KIF1B: variants seen among roughly 807,000 people sequenced by gnomAD.
KIF1B encodes the protein kinesin family member 1B.
Under a neutral mutation model 241.9 loss-of-function variants are expected in KIF1B, and 76 were observed. The observed-to-expected ratio is 0.31, with a 90% CI of 0.26 to 0.38. The LOEUF is 0.38. KIF1B is among the 10% of genes least tolerant of loss of function. The pLI, the probability that KIF1B is intolerant of heterozygous loss-of-function variation, is 1.00. For missense variants in KIF1B, 1,622 were observed against 2,271.4 expected, an observed-to-expected ratio of 0.71 and a Z score of 5.81; for synonymous variants, 750 against 796.7, an observed-to-expected ratio of 0.94 and a Z score of 0.99.
intron 22 of KIF1B, among the ~76,000 whole-genome samples, chr1:10,313,095 C>G (rs1193265514): frequency 1.3e-5 from 2 of 151,274 alleles, no homozygotes; most frequent in Non-Finnish European, 2.9e-5. Flanking sequence ...GAGACAGAGT[C>G]TTGCTCTGTC....
chr1:10,288,830 G>T lies in KIF1B; in HGVS notation c.1435-2252G>T, dbSNP rs1649843601. Among the ~76,000 whole-genome samples, 2 of 151,682 alleles carry T rather than the reference G, an allele frequency of 1.3e-5. 1 individual carries two copies. Among genetic ancestry groups the T allele is most frequent in the South Asian group, 4.1e-4 (2 of 4,820 alleles). On this transcript the variant is annotated intron_variant, in intron 15 of 48. Transcript: ENST00000676179. ...TCTTGCTTTTTTCACGTGTTCCCTT[G>T]CCTTGCCTTTGGTATGTTTTTTGTT...
At chr1:10,292,143 A>C (rs199827172) in intron 17 of KIF1B, 21 bp downstream of exon 17, 2 of 1,590,992 alleles carry the variant, frequency 1.3e-6, no homozygotes, top group Non-Finnish European at 1.7e-6. Context: ...ATGCTGTGAA[A>C]CCTAATCAGA....
At chr1:10,334,248 A>G (rs958306559) in intron 27 of KIF1B, among the ~76,000 whole-genome samples, 8 of 151,016 alleles carry the variant, frequency 5.3e-5, no homozygotes, top group Non-Finnish European at 1.2e-4. Context: ...GTCTGCTTCC[A>G]GGTGTGACTC....
chr1:10,348,530 C>CT, intron 36 of KIF1B, 119 bp from the exon 37 acceptor site: 1 of 759,564 alleles, frequency 1.3e-6, no homozygotes, highest in Non-Finnish European at 2.4e-6. Context: ...CATTTTCCGT[C>CT]TTTCCACACC....
At chr1:10,268,408 T>C (rs1018895033) in intron 7 of KIF1B, 145 bp downstream of exon 7, 1 of 694,164 alleles carries the variant, frequency 1.4e-6, no homozygotes, top group Non-Finnish European at 2.6e-6. Context: ...CCTCTGCTTA[T>C]CATTTTTCTT....
At position 10,276,148 on chromosome 1, in the gene KIF1B, T is replaced by C. The variant is rs565820358; in HGVS notation, c.959-173T>C. On this transcript the variant is annotated intron_variant, in intron 11 of 48. Coordinates refer to ENST00000676179, the MANE Select transcript of KIF1B (RefSeq NM_001365951.3). ...GTCTCGAACTCCTGACCTCTGGTGATCCGCCCACCTGGGTGAAAGAGTGAG... is the reference window on the plus strand; with the variant it reads ...GTCTCGAACTCCTGACCTCTGGTGACCCGCCCACCTGGGTGAAAGAGTGAG... 5.9e-5 allele frequency among the ~76,000 whole-genome samples: 9 copies of C among 151,944 alleles called. No homozygotes were observed. The East Asian group carries it at 1.2e-3, about 20-fold the overall frequency.
intron 37 of KIF1B, among the ~76,000 whole-genome samples, chr1:10,352,299 G>A (rs1413283287): frequency 2.0e-5 from 3 of 150,638 alleles, no homozygotes; most frequent in African/African-American, 4.9e-5. Context: ...GGATTGGAAC[G>A]GGGGAGGTGT....
At chr1:10,308,571 T>A (rs1458906288) in intron 22 of KIF1B, 1 of 1,017,468 alleles carries the variant, frequency 9.8e-7, no homozygotes, top group East Asian at 6.7e-5. Flanking sequence ...AAGACCTCAT[T>A]CAATAAAAGT....
At chr1:10,224,048 C>T (rs1281010362) in intron 1 of KIF1B, among the ~76,000 whole-genome samples, 2 of 152,012 alleles carry the variant, frequency 1.3e-5, no homozygotes, top group Non-Finnish European at 2.9e-5. Context: ...AGCCATCTGC[C>T]TGCCTTGGCC....
Position 10,348,641 on chromosome 1 carries a change from T to C in KIF1B, c.3865-8T>C, listed in dbSNP as rs1330550259. On this transcript the variant is annotated splice_polypyrimidine_tract_variant and splice_region_variant and intron_variant, in intron 36 of 48. Coordinates refer to ENST00000676179, the MANE Select transcript of KIF1B (RefSeq NM_001365951.3). ...TCAGCTAAATTGCAACCCTGCTTCA[T>C]TACCTAGGGCATCCAGCGAAGGATC... is the stretch of plus-strand genomic sequence containing the variant. 8.1e-6 allele frequency: 13 copies of C among 1,613,100 alleles called. No homozygotes were observed. The highest frequency in any genetic ancestry group is 1.3e-5 in the African/African-American group (1 of 75,014).
At chr1:10,229,082 T>G (rs1206799893) in intron 1 of KIF1B, among the ~76,000 whole-genome samples, 1 of 152,230 alleles carries the variant, frequency 6.6e-6, no homozygotes, top group Non-Finnish European at 1.5e-5. Flanking sequence ...TCTTGCTTTT[T>G]CTGAATGTGT....
At chr1:10,243,678 T>C (rs1379546320) in intron 2 of KIF1B, among the ~76,000 whole-genome samples, 1 of 152,240 alleles carries the variant, frequency 6.6e-6, no homozygotes, top group Non-Finnish European at 1.5e-5. Context: ...CCAGAACCCT[T>C]ACTATTGGAG....
intron 27 of KIF1B, among the ~76,000 whole-genome samples, chr1:10,328,952 A>G (rs1651821187): frequency 6.6e-6 from 1 of 152,248 alleles, no homozygotes; most frequent in Non-Finnish European, 1.5e-5. Flanking sequence ...TTCTACTAAG[A>G]AGCATTTGTA....
chr1:10,381,259 A>G lies in KIF1B; in HGVS notation c.*4672A>G, dbSNP rs886436197. 2 of 225,936 alleles carry G rather than the reference A, an allele frequency of 8.9e-6. No individual in the cohort carries two copies. Among genetic ancestry groups the G allele is most frequent in the African/African-American group, 2.2e-5 (1 of 44,870 alleles). 14.0% of individuals were successfully genotyped at this position (225,936 alleles called of 1,614,324 possible). On this transcript the variant is annotated 3_prime_UTR_variant, in exon 49 of 49. Transcript: ENST00000676179. ...TTGAGATTTCAAGTCTCTTGTCACC[A>G]TCCTCACACATGACAACAAAACCCA...
rs1452415989 is a variant in KIF1B, at chr1:10,381,159, T to C, written c.*4572T>C. ...TCATTCTGCCTATTCTGGCATCAGC[T>C]CACTTGAGGAGTCCCTCAGCCTTCT... On this transcript the variant is annotated 3_prime_UTR_variant, in exon 49 of 49. Transcript: ENST00000676179. 9.1e-6 allele frequency: 2 copies of C among 220,908 alleles called. 1 individual carries two copies. Among genetic ancestry groups the C allele is most frequent in the Non-Finnish European group, 1.8e-5 (2 of 110,102 alleles). The allele number at this position is 220,908 out of a possible 1,614,324, so 13.7% of individuals were successfully genotyped here.
At chr1:10,233,641 A>G (rs756044129) in intron 2 of KIF1B, among the ~76,000 whole-genome samples, 4 of 152,138 alleles carry the variant, frequency 2.6e-5, no homozygotes, top group South Asian at 2.1e-4. Flanking sequence ...AAGAGATGCA[A>G]AAGTCAACAT....
At chr1:10,242,071 C>T (rs1350290759) in intron 2 of KIF1B, among the ~76,000 whole-genome samples, 1 of 152,098 alleles carries the variant, frequency 6.6e-6, no homozygotes, top group African/African-American at 2.4e-5. Flanking sequence ...TACATACATA[C>T]AGGTGATAAG....
intron 12 of KIF1B, 71 bp downstream of exon 12, chr1:10,276,470 T>A: frequency 2.0e-6 from 2 of 988,848 alleles, no homozygotes; most frequent in Non-Finnish European, 3.2e-6. Flanking sequence ...ATACCATGGA[T>A]GTTTTTATGC....
intron 1 of KIF1B, among the ~76,000 whole-genome samples, chr1:10,221,463 A>G (rs1392542820): frequency 6.6e-6 from 1 of 152,122 alleles, no homozygotes; most frequent in African/African-American, 2.4e-5. Flanking sequence ...TTTTATTCAG[A>G]GTCAAAAATC....
Sources: allele counts gnomAD v4.1 joint callset (sites outside exome capture counted in the v4.1 genomes callset), GRCh38; gene constraint gnomAD v4.1.1; transcripts MANE v1.5; gene names NCBI Gene and HGNC (gene_info 2026-07-23, HGNC 2026-07-21).